TMEM132D: variants seen among roughly 807,000 people sequenced by gnomAD.
TMEM132D encodes the protein transmembrane protein 132D, also known as mature OL transmembrane protein.
Under a neutral mutation model 62.3 loss-of-function variants are expected in TMEM132D, and 21 were observed. That is an observed-to-expected ratio of 0.34 (90% CI 0.24 to 0.49). The LOEUF is 0.49. Among genes scored for constraint, TMEM132D ranks in the 20% least tolerant of loss-of-function variants. TMEM132D has a pLI of 0.99. For missense variants in TMEM132D, 1,346 were observed against 1,402.8 expected (o/e 0.96, Z 0.65); for synonymous variants, 621 against 575.6 (o/e 1.08, Z -1.13).
chr12:129,507,909 G>C (rs1875386283), intron 3 of TMEM132D, among the ~76,000 whole-genome samples: 1 of 152,068 alleles, frequency 6.6e-6, no homozygotes, highest in African/African-American at 2.4e-5. Flanking sequence ...GTCTAACACT[G>C]TATATGTTAG....
chr12:129,760,488 C>T (rs1303758083), intron 1 of TMEM132D, among the ~76,000 whole-genome samples: 1 of 151,778 alleles, frequency 6.6e-6, no homozygotes, highest in Non-Finnish European at 1.5e-5. Context: ...CCCGCCTCCA[C>T]TACAGGCGCC....
intron 2 of TMEM132D, among the ~76,000 whole-genome samples, chr12:129,665,815 T>G (rs182519236): frequency 6.6e-6 from 1 of 152,326 alleles, no homozygotes; most frequent in East Asian, 1.9e-4. Context: ...GTCTTTATTG[T>G]CTAATAGTGA....
Position 129,530,921 on chromosome 12 carries a change from G to A in TMEM132D, c.1115+138C>T, listed in dbSNP as rs143147050. On this transcript the variant is annotated intron_variant, in intron 3 of 8. Transcript: ENST00000422113. ...ATGAAAGATTCCATTCATCTACCTG[G>A]AGGCCCTGATAGAATAGACGACACA... 1,191 of 848,702 alleles carry A rather than the reference G, an allele frequency of 1.4e-3. 12 individuals carry two copies. In the African/African-American group the frequency reaches 0.017, roughly 12 times the overall value. 52.6% of individuals were successfully genotyped at this position (848,702 alleles called of 1,614,324 possible).
intron 4 of TMEM132D, among the ~76,000 whole-genome samples, chr12:129,242,241 C>T (rs543848017): frequency 2.7e-4 from 41 of 152,314 alleles, no homozygotes; most frequent in Non-Finnish European, 4.7e-4. Context: ...ATTCAATGGG[C>T]TTCCTTATGT....
chr12:129,077,567 C>CACAT (rs566154439), intron 8 of TMEM132D, among the ~76,000 whole-genome samples: 4 of 152,126 alleles, frequency 2.6e-5, no homozygotes, highest in African/African-American at 9.7e-5. Context: ...ACACACAACA[C>CACAT]ACATACACAT....
intron 1 of TMEM132D, among the ~76,000 whole-genome samples, chr12:129,771,905 T>C (rs1216624193): frequency 6.6e-6 from 1 of 152,238 alleles, no homozygotes; most frequent in Admixed American, 6.5e-5. Context: ...AAGTCAGTAC[T>C]ATTATGCTTA....
chr12:129,675,033 G>A (rs1368504526), intron 2 of TMEM132D, among the ~76,000 whole-genome samples: 1 of 152,142 alleles, frequency 6.6e-6, no homozygotes, highest in Non-Finnish European at 1.5e-5. Flanking sequence ...TGGATAATAT[G>A]ATTGTCTTTA....
At chr12:129,460,044 TC>T (rs537973931) in intron 3 of TMEM132D, among the ~76,000 whole-genome samples, 5 of 152,198 alleles carry the variant, frequency 3.3e-5, no homozygotes, top group Non-Finnish European at 5.9e-5. Flanking sequence ...TATTAGCTTT[TC>T]TTTTATCAGC....
At chr12:129,555,179 G>T (rs918323401) in intron 2 of TMEM132D, among the ~76,000 whole-genome samples, 1 of 152,198 alleles carries the variant, frequency 6.6e-6, no homozygotes, top group Non-Finnish European at 1.5e-5. Context: ...ACAGAATTTA[G>T]TCTCCTTTTT....
intron 2 of TMEM132D, among the ~76,000 whole-genome samples, chr12:129,646,941 A>C (rs1279970808): frequency 6.6e-6 from 1 of 151,822 alleles, no homozygotes; most frequent in Non-Finnish European, 1.5e-5. Flanking sequence ...TGGGGATTAC[A>C]GGTGTCGCCA....
chr12:129,770,126 T>C (rs1028551926), intron 1 of TMEM132D, among the ~76,000 whole-genome samples: 4 of 142,078 alleles, frequency 2.8e-5, no homozygotes, highest in Non-Finnish European at 6.0e-5. Flanking sequence ...TGAGATTCTT[T>C]GTGGGTTTTT....
At chr12:129,340,519 C>T (rs1322082854) in intron 3 of TMEM132D, among the ~76,000 whole-genome samples, 1 of 150,808 alleles carries the variant, frequency 6.6e-6, no homozygotes, top group Non-Finnish European at 1.5e-5. Context: ...CATGTGTTCT[C>T]ATTGTTCAAT....
intron 3 of TMEM132D, among the ~76,000 whole-genome samples, chr12:129,357,294 A>G (rs1870098568): frequency 6.7e-6 from 1 of 148,614 alleles, no homozygotes; most frequent in African/African-American, 2.5e-5. Context: ...GGAAGGAGAA[A>G]GAAAGAAAGA....
At chr12:129,254,703 C>A (rs1320056256) in intron 4 of TMEM132D, among the ~76,000 whole-genome samples, 1 of 152,146 alleles carries the variant, frequency 6.6e-6, no homozygotes, top group African/African-American at 2.4e-5. Context: ...CTGACCACAT[C>A]CAGCACAGGC....
intron 3 of TMEM132D, among the ~76,000 whole-genome samples, chr12:129,355,038 C>G (rs1420973151): frequency 1.3e-5 from 2 of 152,204 alleles, no homozygotes; most frequent in African/African-American, 4.8e-5. Flanking sequence ...ATTTTTGTCA[C>G]AAGAGACTTT....
chr12:129,709,319 G>A (rs1042539677), intron 1 of TMEM132D, among the ~76,000 whole-genome samples: 4 of 152,162 alleles, frequency 2.6e-5, no homozygotes, highest in African/African-American at 9.7e-5. Flanking sequence ...TTATAAGAAT[G>A]TTGAGTGCAG....
intron 2 of TMEM132D, among the ~76,000 whole-genome samples, chr12:129,549,943 G>T (rs547178206): frequency 6.6e-6 from 1 of 152,170 alleles, no homozygotes; most frequent in Non-Finnish European, 1.5e-5. Flanking sequence ...AAACACGAAG[G>T]TCTTCAGGTT....
At position 129,192,707 on chromosome 12, in the gene TMEM132D, A is replaced by G. The variant is rs1157472181; in HGVS notation, c.1443+16813T>C. 2.0e-5 allele frequency among the ~76,000 whole-genome samples: 3 copies of G among 152,136 alleles called. No homozygotes were observed. In the East Asian group the frequency reaches 5.8e-4, roughly 29 times the overall value. On this transcript the variant is annotated intron_variant, in intron 5 of 8. Transcript: ENST00000422113. ...ATCTATCACTGCCTCCACTGGTGAG[A>G]TTTTGTGGCACAAATGGGGGGTTTG...
chr12:129,559,183 T>C (rs1877144547), intron 2 of TMEM132D, among the ~76,000 whole-genome samples: 1 of 152,070 alleles, frequency 6.6e-6, no homozygotes. Flanking sequence ...AGTGACAAAA[T>C]GGCTTTATTT....
Sources: gnomAD v4.1 joint callset for allele counts (sites outside exome capture counted in the v4.1 genomes callset) on GRCh38, gnomAD v4.1.1 for gene constraint, MANE v1.5 for transcripts, NCBI Gene and HGNC (gene_info 2026-07-23, HGNC 2026-07-21) for gene names.